The following CAPZB variants were observed in gnomAD, a reference collection of about 807,000 sequenced individuals.
The protein encoded by CAPZB is capping actin protein of muscle Z-line subunit beta, also known as F-actin-capping protein subunit beta.
A neutral mutation model predicts 38.1 loss-of-function variants in CAPZB; 2 were observed. The ratio of observed to expected loss-of-function variants is 0.05; its 90% CI spans 0.02 to 0.17. CAPZB has a LOEUF of 0.17. CAPZB is among the 10% of genes least tolerant of loss of function. The pLI is 1.00. For synonymous variants in CAPZB, 107 were observed against 127.4 expected (o/e 0.84, Z 1.08); for missense variants, 161 against 334.2 (o/e 0.48, Z 4.04).
intron 4 of CAPZB, among the ~76,000 whole-genome samples, chr1:19,358,444 CATTTCTAATTATAATCAAATGGAAGAGGG>C (rs1024969572): frequency 2.0e-5 from 3 of 152,200 alleles, no homozygotes; most frequent in African/African-American, 7.2e-5. Context: ...GGCCCAGAAA[CATTTCTAATTATAATCAAATGGAAGAGGG>C]ATTTCTAATT....
At chr1:19,480,926 T>G (rs1262406062) in intron 1 of CAPZB, among the ~76,000 whole-genome samples, 1 of 152,236 alleles carries the variant, frequency 6.6e-6, no homozygotes, top group Admixed American at 6.5e-5. Flanking sequence ...AGACAGGGAC[T>G]AACCATACAC....
At position 19,339,533 on chromosome 1, in the gene CAPZB, G is replaced by A; in HGVS notation, c.816C>T (p.Cys272=). The change falls in exon 9 of 9, where the codon TGC becomes TGT. Residue 272 remains cysteine, a synonymous_variant. Coordinates refer to ENST00000264202, the MANE Select transcript of CAPZB (RefSeq NM_004930.5). The part of the protein sequence containing the change: ...LVEALKRKQQ[C] ...CTGGTTAGCATGAAACAGAGGTTTA[G>A]CATTGCTGCTTTCTCTTCAAAGCCT... 1.2e-6 allele frequency: 2 copies of A among 1,609,982 alleles called. No homozygotes were observed. Among genetic ancestry groups the A allele is most frequent in the Non-Finnish European group, 1.7e-6 (2 of 1,176,126 alleles).
At chr1:19,471,237 C>A (rs569786335) in intron 1 of CAPZB, among the ~76,000 whole-genome samples, 1 of 152,092 alleles carries the variant, frequency 6.6e-6, no homozygotes, top group African/African-American at 2.4e-5. Context: ...TTGCAGAAAT[C>A]GAAACTATGG....
At chr1:19,351,986 T>C (rs1432402628) in intron 6 of CAPZB, among the ~76,000 whole-genome samples, 2 of 152,146 alleles carry the variant, frequency 1.3e-5, no homozygotes, top group Non-Finnish European at 2.9e-5. Context: ...CAGACGCCCC[T>C]TGAAGCTGCG....
chr1:19,454,016 G>A (rs3850532), intron 1 of CAPZB, among the ~76,000 whole-genome samples: 47,466 of 152,122 alleles, frequency 0.31, 7,532 homozygotes, highest in Non-Finnish European at 0.34. Flanking sequence ...CCCTAAGTGC[G>A]CTGCCTCCTG....
At chr1:19,382,715 C>T (rs570743820) in intron 3 of CAPZB, among the ~76,000 whole-genome samples, 38 of 152,316 alleles carry the variant, frequency 2.5e-4, no homozygotes, top group African/African-American at 9.1e-4. Context: ...AGAGCCTGGC[C>T]TAGCCACGGA....
At chr1:19,383,239 A>C (rs2094185213) in intron 3 of CAPZB, among the ~76,000 whole-genome samples, 1 of 152,056 alleles carries the variant, frequency 6.6e-6, no homozygotes, top group African/African-American at 2.4e-5. Flanking sequence ...TGAGGTCAGG[A>C]GTTCAAGACC....
At chr1:19,394,578 G>A (rs546123770) in intron 2 of CAPZB, among the ~76,000 whole-genome samples, 3 of 152,106 alleles carry the variant, frequency 2.0e-5, no homozygotes, top group East Asian at 1.9e-4. Context: ...AAAATTAGCC[G>A]GGCGTGGTGG....
At chr1:19,415,646 C>T (rs17398869) in intron 2 of CAPZB, among the ~76,000 whole-genome samples, 28,718 of 152,220 alleles carry the variant, frequency 0.19, 3,240 homozygotes, top group South Asian at 0.29. Context: ...GAGCATCGCA[C>T]GTAGCGAGGA....
chr1:19,468,531 T>A (rs1036567035), intron 1 of CAPZB, among the ~76,000 whole-genome samples: 2 of 152,018 alleles, frequency 1.3e-5, no homozygotes, highest in African/African-American at 4.8e-5. Flanking sequence ...AAGTCAATGA[T>A]AAACTCTGAG....
At chr1:19,446,530 G>A (rs558601935) in intron 1 of CAPZB, among the ~76,000 whole-genome samples, 2 of 152,072 alleles carry the variant, frequency 1.3e-5, no homozygotes, top group Non-Finnish European at 2.9e-5. Flanking sequence ...TGTCAAAAGC[G>A]TTTAAAATAT....
At chr1:19,401,016 G>A (rs2094300487) in intron 2 of CAPZB, among the ~76,000 whole-genome samples, 1 of 152,134 alleles carries the variant, frequency 6.6e-6, no homozygotes, top group East Asian at 1.9e-4. Context: ...GAACCAAAAT[G>A]ATACTCCAGT....
intron 4 of CAPZB, among the ~76,000 whole-genome samples, chr1:19,367,865 C>T (rs867058660): frequency 6.6e-6 from 1 of 152,146 alleles, no homozygotes; most frequent in Non-Finnish European, 1.5e-5. Context: ...CTGCAGGGGC[C>T]GGCTATCTGG....
At chr1:19,375,860 C>T (rs1320270905) in intron 4 of CAPZB, among the ~76,000 whole-genome samples, 2 of 152,314 alleles carry the variant, frequency 1.3e-5, no homozygotes, top group South Asian at 4.1e-4. Context: ...TCCCACTTGT[C>T]CTATAGTCAC....
At chr1:19,367,184 A>G (rs142197616) in intron 4 of CAPZB, among the ~76,000 whole-genome samples, 1,844 of 152,356 alleles carry the variant, frequency 0.012, 17 homozygotes, top group Middle Eastern at 0.027. Context: ...GAGGGGCTGG[A>G]GAGTGTGGGT....
chr1:19,467,161 C>T (rs1558288410), intron 1 of CAPZB, among the ~76,000 whole-genome samples: 1 of 152,138 alleles, frequency 6.6e-6, no homozygotes. Flanking sequence ...GTGCTGAGAT[C>T]CACCATGCCT....
intron 2 of CAPZB, among the ~76,000 whole-genome samples, chr1:19,398,642 T>C (rs550185167): frequency 2.2e-4 from 33 of 151,986 alleles, no homozygotes; most frequent in African/African-American, 8.0e-4. Flanking sequence ...ACTGGAGGGA[T>C]GTCTCATCAG....
intron 2 of CAPZB, among the ~76,000 whole-genome samples, chr1:19,398,286 C>T (rs1351459358): frequency 6.8e-6 from 1 of 147,864 alleles, no homozygotes; most frequent in Non-Finnish European, 1.5e-5. Context: ...GTACTCCTCG[C>T]CCCAGGGGTC....
intron 2 of CAPZB, among the ~76,000 whole-genome samples, chr1:19,415,623 C>T (rs945424657): frequency 2.0e-5 from 3 of 152,272 alleles, no homozygotes; most frequent in South Asian, 4.1e-4. Context: ...AGCCAGCGCA[C>T]TGCCCCTTAT....
Sources: gnomAD v4.1 joint callset for allele counts (sites outside exome capture counted in the v4.1 genomes callset) on GRCh38, gnomAD v4.1.1 for gene constraint, MANE v1.5 for transcripts, NCBI Gene and HGNC (gene_info 2026-07-23, HGNC 2026-07-21) for gene names.